Variants in TMEM117 observed in about 807,000 individuals in gnomAD.
TMEM117 encodes transmembrane protein 117.
In TMEM117, 27 loss-of-function variants were observed where a neutral mutation model predicts 52.4. The ratio of observed to expected loss-of-function variants is 0.51; its 90% CI spans 0.38 to 0.71. The LOEUF is 0.71. TMEM117 is among the 30% of genes least tolerant of loss of function. TMEM117 has a pLI of 0.00. For missense variants in TMEM117, 556 were observed against 630.5 expected, an observed-to-expected ratio of 0.88 and a Z score of 1.26; for synonymous variants, 215 against 206.3, an observed-to-expected ratio of 1.04 and a Z score of -0.36.
At chr12:44,091,250 TGA>T (rs1306863801) in intron 3 of TMEM117, among the ~76,000 whole-genome samples, 1 of 152,116 alleles carries the variant, frequency 6.6e-6, no homozygotes, top group Non-Finnish European at 1.5e-5. Context: ...CCAGCCCCCA[TGA>T]TTCAATTACC....
At chr12:44,302,167 T>A (rs1370468823) in intron 6 of TMEM117, among the ~76,000 whole-genome samples, 1 of 152,184 alleles carries the variant, frequency 6.6e-6, no homozygotes, top group Non-Finnish European at 1.5e-5. Flanking sequence ...CACATCCACG[T>A]ACCATATGCC....
At chr12:44,094,945 G>A (rs909465821) in intron 3 of TMEM117, among the ~76,000 whole-genome samples, 9 of 152,032 alleles carry the variant, frequency 5.9e-5, no homozygotes, top group African/African-American at 1.7e-4. Flanking sequence ...TGTTTCATAC[G>A]TATGTACCGT....
chr12:44,124,041 A>AT (rs56849290), intron 3 of TMEM117, among the ~76,000 whole-genome samples: 41,090 of 151,832 alleles, frequency 0.27, 10,085 homozygotes, highest in African/African-American at 0.66. Context: ...TGAGCATGGA[A>AT]TTTTTTTTCC....
At chr12:43,829,738 G>C in the TMEM117 span, among the ~76,000 whole-genome samples, 1 of 152,166 alleles carries the variant, frequency 6.6e-6, no homozygotes, top group Non-Finnish European at 1.5e-5. Flanking sequence ...CACTGGAAGT[G>C]GGAGCCTCTG....
chr12:44,156,728 T>C (rs1373636848), intron 4 of TMEM117, among the ~76,000 whole-genome samples: 1 of 152,042 alleles, frequency 6.6e-6, no homozygotes, highest in East Asian at 1.9e-4. Flanking sequence ...AAAGAATCTT[T>C]TGGTGCTGGA....
At chr12:43,820,103 T>TG in the TMEM117 span, among the ~76,000 whole-genome samples, 1 of 151,470 alleles carries the variant, frequency 6.6e-6, no homozygotes, top group East Asian at 1.9e-4. Flanking sequence ...AGGTGTATTT[T>TG]TTTTTGTTTT....
intron 7 of TMEM117, among the ~76,000 whole-genome samples, chr12:44,377,742 C>T (rs1460776220): frequency 6.6e-6 from 1 of 152,178 alleles, no homozygotes; most frequent in East Asian, 1.9e-4. Context: ...ATAAAATCTG[C>T]TGAAGAAATC....
chr12:44,305,889 G>A (rs1279601773), intron 6 of TMEM117, among the ~76,000 whole-genome samples: 1 of 151,984 alleles, frequency 6.6e-6, no homozygotes, highest in Non-Finnish European at 1.5e-5. Context: ...CCCATCAACA[G>A]TGGATCAGAT....
intron 3 of TMEM117, among the ~76,000 whole-genome samples, chr12:44,131,231 T>C (rs543591389): frequency 3.3e-5 from 5 of 152,160 alleles, no homozygotes; most frequent in African/African-American, 7.2e-5. Flanking sequence ...CTCTGCCTCA[T>C]TGAGGTTTCT....
chr12:44,304,927 A>T (rs543074875), intron 6 of TMEM117, among the ~76,000 whole-genome samples: 3 of 152,162 alleles, frequency 2.0e-5, no homozygotes, highest in Non-Finnish European at 4.4e-5. Flanking sequence ...TACTTGAGGA[A>T]AGCAGAGTGA....
chr12:43,822,209 A>G, the TMEM117 span, among the ~76,000 whole-genome samples: 9 of 152,356 alleles, frequency 5.9e-5, no homozygotes, highest in South Asian at 1.7e-3. Flanking sequence ...CTTTGGGAAG[A>G]CAGTTACTTA....
intron 2 of TMEM117, among the ~76,000 whole-genome samples, chr12:43,890,090 C>T (rs1944075146): frequency 6.6e-6 from 1 of 152,050 alleles, no homozygotes. Flanking sequence ...GTCATTTGGT[C>T]TTAAAAGGGG....
chr12:43,896,652 A>G (rs1000228086), intron 2 of TMEM117, among the ~76,000 whole-genome samples: 22 of 151,570 alleles, frequency 1.5e-4, no homozygotes, highest in Admixed American at 1.1e-3. Context: ...CACACTTCCT[A>G]TACATGCTTT....
At chr12:43,804,530 C>G in the TMEM117 span, 1 of 1,602,450 alleles carries the variant, frequency 6.2e-7, no homozygotes, top group Non-Finnish European at 8.5e-7. Context: ...TCTGTACTTT[C>G]CATTTCTGGC....
intron 4 of TMEM117, among the ~76,000 whole-genome samples, chr12:44,203,975 C>G (rs898173266): frequency 6.6e-6 from 1 of 152,098 alleles, no homozygotes; most frequent in African/African-American, 2.4e-5. Flanking sequence ...GCTTAAGGGG[C>G]AAAATATGGA....
At chr12:44,121,520 A>G (rs1592535047) in intron 3 of TMEM117, among the ~76,000 whole-genome samples, 3 of 152,138 alleles carry the variant, frequency 2.0e-5, no homozygotes, top group East Asian at 3.8e-4. Flanking sequence ...TATTTTCCTT[A>G]TGATTTTCTT....
intron 3 of TMEM117, among the ~76,000 whole-genome samples, chr12:44,044,000 T>G (rs889061468): frequency 6.6e-6 from 1 of 152,134 alleles, no homozygotes; most frequent in African/African-American, 2.4e-5. Context: ...CTGCTGTGAG[T>G]GAGCTGGAAA....
intron 6 of TMEM117, among the ~76,000 whole-genome samples, chr12:44,357,906 G>A (rs755602596): frequency 7.2e-5 from 11 of 152,100 alleles, no homozygotes; most frequent in Admixed American, 1.3e-4. Context: ...CAATAGCAAA[G>A]ACATGGAATC....
chr12:43,828,698 C>T, the TMEM117 span, among the ~76,000 whole-genome samples: 5 of 152,280 alleles, frequency 3.3e-5, no homozygotes, highest in African/African-American at 9.6e-5. Context: ...ATCCCCTTAC[C>T]GATAAAATGG....
Sources: allele counts gnomAD v4.1 joint callset (sites outside exome capture counted in the v4.1 genomes callset), GRCh38; gene constraint gnomAD v4.1.1; transcripts MANE v1.5; gene names NCBI Gene and HGNC (gene_info 2026-07-23, HGNC 2026-07-21).